THSD4: variants seen among roughly 807,000 people sequenced by gnomAD.
THSD4 encodes thrombospondin type 1 domain containing 4, also known as thrombospondin type-1 domain-containing protein 4.
A neutral mutation model predicts 119.0 loss-of-function variants in THSD4; 69 were observed. The observed-to-expected ratio is 0.58, with a 90% CI of 0.48 to 0.71. The LOEUF (loss-of-function observed/expected upper bound fraction) is 0.71. THSD4 is among the 30% of genes least tolerant of loss of function. THSD4 has a pLI of 0.00. For synonymous variants in THSD4, 524 were observed against 540.4 expected, an observed-to-expected ratio of 0.97 and a Z score of 0.42; for missense variants, 1,393 against 1,391.1, an observed-to-expected ratio of 1.00 and a Z score of -0.02.
chr15:71,376,509 C>T (rs2046138468), intron 6 of THSD4, among the ~76,000 whole-genome samples: 1 of 152,168 alleles, frequency 6.6e-6, no homozygotes, highest in South Asian at 2.1e-4. Context: ...CAACCTTTTT[C>T]TGGCCATTCT....
chr15:71,109,912 T>C (rs186248108), intron 1 of THSD4, among the ~76,000 whole-genome samples: 56 of 152,270 alleles, frequency 3.7e-4, no homozygotes, highest in Non-Finnish European at 2.4e-4. Flanking sequence ...AGTGCCCTGG[T>C]TTTATACATA....
At chr15:71,297,312 CTTCT>C (rs1567185579) in intron 6 of THSD4, among the ~76,000 whole-genome samples, 2 of 70,562 alleles carry the variant, frequency 2.8e-5, no homozygotes, top group East Asian at 1.5e-3. Flanking sequence ...TTGCTCTCCT[CTTCT>C]TTTTTTTGTT....
chr15:71,299,095 C>T (rs1313524209), intron 6 of THSD4, among the ~76,000 whole-genome samples: 1 of 152,130 alleles, frequency 6.6e-6, no homozygotes. Flanking sequence ...AACCACATAG[C>T]AGAATGACCA....
At chr15:71,323,731 T>C (rs1596336900) in intron 6 of THSD4, among the ~76,000 whole-genome samples, 1 of 152,208 alleles carries the variant, frequency 6.6e-6, no homozygotes, top group African/African-American at 2.4e-5. Flanking sequence ...TGCAATGATC[T>C]GACTCTTAGA....
intron 7 of THSD4, among the ~76,000 whole-genome samples, chr15:71,566,414 G>A (rs1288411046): frequency 6.6e-6 from 1 of 152,044 alleles, no homozygotes; most frequent in Non-Finnish European, 1.5e-5. Context: ...TCTACTTTGT[G>A]GTCAGGTGTT....
chr15:71,447,852 C>G (rs1048403471), intron 7 of THSD4, among the ~76,000 whole-genome samples: 1 of 152,154 alleles, frequency 6.6e-6, no homozygotes, highest in African/African-American at 2.4e-5. Flanking sequence ...TTGTTCTGCT[C>G]TCCTTGGCAT....
rs1295929503 is a variant in THSD4, at chr15:71,682,922, T to TC, written c.1357+22188_1357+22189insC. On this transcript the variant is annotated intron_variant, in intron 8 of 17. Coordinates refer to ENST00000261862, the MANE Select transcript of THSD4 (RefSeq NM_024817.3). Reference sequence around the variant, plus strand: ...TTTCTTTCTTTCTTCTTCTTCTTCTTTTTTTTTTTTTTTTTTTGAGTCGAG... The same window carrying TC: ...TTTCTTTCTTTCTTCTTCTTCTTCTTCTTTTTTTTTTTTTTTTTGAGTCGAG... 1.7e-5 allele frequency among the ~76,000 whole-genome samples: 2 copies of TC among 120,906 alleles called. 1 individual carries two copies. Among genetic ancestry groups the TC allele is most frequent in the African/African-American group, 6.6e-5 (2 of 30,450 alleles). The allele number at this position is 120,906 out of a possible 152,430, so 79.3% of individuals were successfully genotyped here.
chr15:71,388,386 A>G (rs2046320505), intron 6 of THSD4, among the ~76,000 whole-genome samples: 1 of 152,186 alleles, frequency 6.6e-6, no homozygotes, highest in Non-Finnish European at 1.5e-5. Flanking sequence ...AGCAACTTTC[A>G]TGCAGGCTTT....
Position 71,777,422 on chromosome 15 carries a change from G to A in THSD4, c.*48G>A, listed in dbSNP as rs202041876. The A allele has an allele frequency of 3.2e-6, 5 of 1,578,342 alleles. No individual in the cohort carries two copies. The African/African-American group carries it at 4.0e-5, about 13-fold the overall frequency. ...GGGCAGCATCACTGCCTTCCCGGGG[G>A]CTTCAGCAGTGCGCCTGGCTGGCTG... On this transcript the variant is annotated 3_prime_UTR_variant, in exon 18 of 18. Transcript: ENST00000261862.
At chr15:71,659,970 G>A (rs2051269259) in intron 7 of THSD4, among the ~76,000 whole-genome samples, 7 of 152,050 alleles carry the variant, frequency 4.6e-5, no homozygotes, top group Admixed American at 4.6e-4. Flanking sequence ...TCTGGGAAAA[G>A]TGCTCTGGGG....
intron 7 of THSD4, among the ~76,000 whole-genome samples, chr15:71,549,404 C>G (rs1043255503): frequency 6.6e-6 from 1 of 151,928 alleles, no homozygotes; most frequent in Non-Finnish European, 1.5e-5. Flanking sequence ...GCTGTTGGCT[C>G]CAGAACGCCT....
chr15:71,661,993 G>A (rs894526480), intron 8 of THSD4, among the ~76,000 whole-genome samples: 3 of 152,102 alleles, frequency 2.0e-5, no homozygotes, highest in African/African-American at 7.2e-5. Flanking sequence ...ATACCATAAC[G>A]AGGTGGAGCT....
intron 1 of THSD4, among the ~76,000 whole-genome samples, chr15:71,133,530 C>T (rs572651324): frequency 1.5e-4 from 23 of 152,282 alleles, no homozygotes; most frequent in South Asian, 4.1e-4. Context: ...CATAATGATA[C>T]GCTTTGACGA....
chr15:71,519,263 A>G lies in THSD4; in HGVS notation c.1152+107440A>G, dbSNP rs373688028. Among the ~76,000 whole-genome samples, 10 of 152,336 alleles carry G rather than the reference A, an allele frequency of 6.6e-5. No homozygotes were observed. The East Asian group carries it at 1.7e-3, about 26-fold the overall frequency. ...GTAGCCGGTGGGGGTGAGTGACAATATAAGGTCAGAGATATAGACAGGCTT... is the reference window on the plus strand; with the variant it reads ...GTAGCCGGTGGGGGTGAGTGACAATGTAAGGTCAGAGATATAGACAGGCTT... On this transcript the variant is annotated intron_variant, in intron 7 of 17. Coordinates refer to ENST00000261862, the MANE Select transcript of THSD4 (RefSeq NM_024817.3).
chr15:71,589,281 A>G lies in THSD4; in HGVS notation c.1153-71249A>G, dbSNP rs1211868205. ...AAGTCCTATTTCATAAAATAGTTCC[A>G]ATTTGTGTGTGTTTGTGTGTGTGCA... On this transcript the variant is annotated intron_variant, in intron 7 of 17. Transcript: ENST00000261862. Among the ~76,000 whole-genome samples the G allele has an allele frequency of 3.4e-5, 3 of 89,386 alleles. 1 individual carries two copies. The highest frequency in any genetic ancestry group is 9.5e-5 in the African/African-American group (3 of 31,660). The allele number at this position is 89,386 out of a possible 152,430, so 58.6% of individuals were successfully genotyped here.
intron 8 of THSD4, among the ~76,000 whole-genome samples, chr15:71,715,382 A>G (rs2052587964): frequency 6.6e-6 from 1 of 152,076 alleles, no homozygotes; most frequent in African/African-American, 2.4e-5. Context: ...TCCCCTCACA[A>G]TCCTGCATCT....
intron 1 of THSD4, among the ~76,000 whole-genome samples, chr15:71,119,457 G>T (rs754892921): frequency 6.6e-6 from 1 of 152,132 alleles, no homozygotes; most frequent in Non-Finnish European, 1.5e-5. Flanking sequence ...TTTATCCCAG[G>T]CAGCATGTTC....
chr15:71,670,634 C>A (rs533394057), intron 8 of THSD4, among the ~76,000 whole-genome samples: 1 of 151,886 alleles, frequency 6.6e-6, no homozygotes, highest in African/African-American at 2.4e-5. Context: ...TCTCCTAATG[C>A]TATCCCTCCC....
At chr15:71,547,095 C>A in intron 7 of THSD4, 1 of 641,762 alleles carries the variant, frequency 1.6e-6, no homozygotes, top group Middle Eastern at 6.2e-4. Flanking sequence ...AGACCAGATG[C>A]AGAACTCCAC....
Sources: gnomAD v4.1 joint callset for allele counts (sites outside exome capture counted in the v4.1 genomes callset) on GRCh38, gnomAD v4.1.1 for gene constraint, MANE v1.5 for transcripts, NCBI Gene and HGNC (gene_info 2026-07-23, HGNC 2026-07-21) for gene names.